MIPOL1: variants seen among roughly 807,000 people sequenced by gnomAD.
MIPOL1 encodes mirror-image polydactyly 1, also known as mirror-image polydactyly gene 1 protein.
Under a neutral mutation model 60.9 loss-of-function variants are expected in MIPOL1, and 57 were observed. The observed-to-expected ratio is 0.94, with a 90% CI of 0.76 to 1.17. MIPOL1 has a LOEUF of 1.17. MIPOL1 is among the 50% of genes most tolerant of loss of function. The pLI is 0.00. For missense variants in MIPOL1, 551 were observed against 511.6 expected (o/e 1.08, Z -0.74); for synonymous variants, 179 against 168.8 (o/e 1.06, Z -0.47).
chr14:37,470,699 G>A (rs1041296000), intron 11 of MIPOL1, among the ~76,000 whole-genome samples: 9 of 152,204 alleles, frequency 5.9e-5, no homozygotes, highest in Admixed American at 5.9e-4. Flanking sequence ...CACCGTCAGC[G>A]TGGGTTGCAA....
chr14:37,357,005 G>T (rs1375218681), intron 9 of MIPOL1, among the ~76,000 whole-genome samples: 2 of 152,138 alleles, frequency 1.3e-5, no homozygotes, highest in African/African-American at 4.8e-5. Context: ...TTTATCCAGT[G>T]ATCTGTTGAA....
In MIPOL1 at chr14:37,267,062, A is replaced by G; in HGVS notation, c.144A>G (p.Glu48=). 2.5e-6 allele frequency: 4 copies of G among 1,614,014 alleles called. No homozygotes were observed. Among genetic ancestry groups the G allele is most frequent in the Non-Finnish European group, 3.4e-6 (4 of 1,179,942 alleles). ...MHRKSTELVN[E]ITCENTEWPG... is the part of the protein sequence containing the mutation. ...GGAAATCCACTGAATTAGTTAATGA[A>G]ATAACATGTGAGAACACAGAATGGC... The change falls in exon 4 of 13, where the codon GAA becomes GAG. Residue 48 remains glutamate (E), a synonymous_variant. Transcript: ENST00000684589.
At chr14:37,340,753 T>G (rs1186998624) in intron 9 of MIPOL1, among the ~76,000 whole-genome samples, 1 of 152,076 alleles carries the variant, frequency 6.6e-6, no homozygotes. Context: ...CAGAAACATA[T>G]TTTTTATAAA....
intron 12 of MIPOL1, among the ~76,000 whole-genome samples, chr14:37,532,242 A>G (rs2095484150): frequency 6.6e-6 from 1 of 152,198 alleles, no homozygotes; most frequent in Non-Finnish European, 1.5e-5. Flanking sequence ...ATAAATTTGA[A>G]CATAAGTGTA....
At chr14:37,486,096 C>T (rs186019443) in intron 11 of MIPOL1, among the ~76,000 whole-genome samples, 2 of 152,278 alleles carry the variant, frequency 1.3e-5, no homozygotes, top group East Asian at 3.9e-4. Flanking sequence ...GGAATTATTT[C>T]CCCATTGCTT....
Position 37,401,106 on chromosome 14 carries a change from T to G in MIPOL1, c.937-21749T>G, listed in dbSNP as rs575366868. ...ATATCAGTGATCAGGGACAAAAATATAAATAATGATTTGGAACAGCAAAGG... is the reference window on the plus strand; with the variant it reads ...ATATCAGTGATCAGGGACAAAAATAGAAATAATGATTTGGAACAGCAAAGG... On this transcript the variant is annotated intron_variant, in intron 10 of 12. Coordinates refer to ENST00000684589, the MANE Select transcript of MIPOL1 (RefSeq NM_001388067.1). 3.3e-5 allele frequency: 5 copies of G among 152,140 alleles called. No individual in the cohort carries two copies. In the South Asian group the frequency reaches 1.0e-3, roughly 32 times the overall value. The allele number at this position is 152,140 out of a possible 1,614,324, so 9.4% of individuals were successfully genotyped here.
chr14:37,279,959 G>A (rs1291127068), intron 6 of MIPOL1, among the ~76,000 whole-genome samples: 1 of 151,882 alleles, frequency 6.6e-6, no homozygotes, highest in Non-Finnish European at 1.5e-5. Flanking sequence ...CTCATCCCCA[G>A]CCTCTGGTAG....
At chr14:37,366,070 A>G (rs923687390) in intron 9 of MIPOL1, among the ~76,000 whole-genome samples, 17 of 151,204 alleles carry the variant, frequency 1.1e-4, no homozygotes, top group Non-Finnish European at 2.4e-4. Context: ...TTCATCTTTG[A>G]GTTTACTTAT....
chr14:37,239,997 G>T (rs908582737), intron 1 of MIPOL1, among the ~76,000 whole-genome samples: 4 of 152,104 alleles, frequency 2.6e-5, no homozygotes, highest in African/African-American at 9.7e-5. Context: ...AGTAATTTTA[G>T]CAAATTACAT....
chr14:37,262,608 C>G (rs1017880318), intron 3 of MIPOL1, among the ~76,000 whole-genome samples: 1 of 152,138 alleles, frequency 6.6e-6, no homozygotes, highest in African/African-American at 2.4e-5. Flanking sequence ...TATCAGGGAG[C>G]ACATTAACAA....
At chr14:37,485,996 G>A (rs1050453246) in intron 11 of MIPOL1, among the ~76,000 whole-genome samples, 2 of 152,100 alleles carry the variant, frequency 1.3e-5, no homozygotes, top group African/African-American at 2.4e-5. Context: ...TTCATCTTAA[G>A]TGAATTTTTG....
chr14:37,351,811 C>G (rs1470824459), intron 9 of MIPOL1, among the ~76,000 whole-genome samples: 1 of 140,070 alleles, frequency 7.1e-6, no homozygotes, highest in East Asian at 2.2e-4. Flanking sequence ...GGATATTAGC[C>G]CTTTGTCAGA....
At chr14:37,296,880 G>T (rs879261441) in intron 7 of MIPOL1, among the ~76,000 whole-genome samples, 22 of 152,216 alleles carry the variant, frequency 1.4e-4, no homozygotes, top group Middle Eastern at 6.8e-3. Context: ...AGAGGTACAA[G>T]GAGGAACTGG....
At chr14:37,394,794 T>G (rs888827691) in intron 10 of MIPOL1, among the ~76,000 whole-genome samples, 5 of 152,172 alleles carry the variant, frequency 3.3e-5, no homozygotes, top group African/African-American at 1.2e-4. Flanking sequence ...TTATTTTTGT[T>G]TTTATTGCAT....
intron 1 of MIPOL1, among the ~76,000 whole-genome samples, chr14:37,208,649 A>G (rs1374368697): frequency 1.3e-5 from 2 of 152,184 alleles, no homozygotes; most frequent in Non-Finnish European, 2.9e-5. Flanking sequence ...GCTACAGTGC[A>G]GTGGCACAGT....
At chr14:37,431,569 CTTTTTTTTTTTTTTT>C (rs869258490) in intron 11 of MIPOL1, among the ~76,000 whole-genome samples, 4 of 64,832 alleles carry the variant, frequency 6.2e-5, no homozygotes, top group African/African-American at 2.6e-4. Flanking sequence ...ATCTCTGTTT[CTTTTTTTTTTTTTTT>C]TTTTTTTTTT....
intron 7 of MIPOL1, among the ~76,000 whole-genome samples, chr14:37,295,144 A>G (rs969581904): frequency 2.6e-5 from 4 of 152,362 alleles, no homozygotes; most frequent in South Asian, 4.1e-4. Context: ...AGTGGGGGCC[A>G]ATATTCAACA....
chr14:37,524,234 G>T (rs1306840759), intron 12 of MIPOL1, among the ~76,000 whole-genome samples: 1 of 152,148 alleles, frequency 6.6e-6, no homozygotes, highest in Non-Finnish European at 1.5e-5. Flanking sequence ...GACAAGAGTA[G>T]AAATAGACTC....
rs565334018 is a variant in MIPOL1, at chr14:37,389,111, C to T, written c.936+19487C>T. The stretch of plus-strand genomic sequence containing the variant: ...GACCAATGGAGTGAAATATACTGAC[C>T]GCCTTAGGACAATCTAGGTCTGCTT... On this transcript the variant is annotated intron_variant, in intron 10 of 12. Transcript: ENST00000684589. Among the ~76,000 whole-genome samples the T allele has an allele frequency of 1.0e-3, 155 of 151,974 alleles. 1 individual carries two copies. Among genetic ancestry groups the T allele is most frequent in the Non-Finnish European group, 2.0e-3 (134 of 67,966 alleles).
Sources: allele counts gnomAD v4.1 joint callset (sites outside exome capture counted in the v4.1 genomes callset), GRCh38; gene constraint gnomAD v4.1.1; transcripts MANE v1.5; gene names NCBI Gene and HGNC (gene_info 2026-07-23, HGNC 2026-07-21).